Variants in RNF38 observed in about 807,000 individuals in gnomAD.
RNF38 encodes the protein ring finger protein 38.
Under a neutral mutation model 67.2 loss-of-function variants are expected in RNF38, and 15 were observed. That is an observed-to-expected ratio of 0.22 (90% confidence interval 0.15 to 0.34). The LOEUF (loss-of-function observed/expected upper bound fraction) is 0.34, where lower values mean the gene tolerates loss of function less well. Among genes scored for constraint, RNF38 ranks in the 10% least tolerant of loss-of-function variants. The pLI, the probability that RNF38 is intolerant of heterozygous loss-of-function variation, is 1.00. For missense variants in RNF38, 524 were observed against 639.9 expected, an observed-to-expected ratio of 0.82 and a Z score of 1.95; for synonymous variants, 220 against 218.8, an observed-to-expected ratio of 1.01 and a Z score of -0.05.
intron 1 of RNF38, among the ~76,000 whole-genome samples, chr9:36,474,931 C>T (rs1356483695): frequency 6.8e-6 from 1 of 147,166 alleles, no homozygotes; most frequent in Non-Finnish European, 1.5e-5. Context: ...CACCTGAGGT[C>T]GGGAGTTCAA....
At chr9:36,414,028 G>C (rs1210840022) in intron 2 of RNF38, among the ~76,000 whole-genome samples, 2 of 152,056 alleles carry the variant, frequency 1.3e-5, no homozygotes, top group African/African-American at 2.4e-5. Flanking sequence ...AGTCTGTTTC[G>C]TCTGATATAA....
At chr9:36,423,299 T>C (rs1056171530) in intron 2 of RNF38, among the ~76,000 whole-genome samples, 2 of 151,764 alleles carry the variant, frequency 1.3e-5, no homozygotes, top group African/African-American at 4.8e-5. Context: ...GTAAAGAGAG[T>C]GAAATCAGTC....
At position 36,344,948 on chromosome 9, in the gene RNF38, C is replaced by A; in HGVS notation, c.1269G>T (p.Leu423=). The A allele has an allele frequency of 2.5e-6, 4 of 1,606,562 alleles. No homozygotes were observed. Among genetic ancestry groups the A allele is most frequent in the Non-Finnish European group, 3.4e-6 (4 of 1,176,152 alleles). ...EDGEVENYEA[L]LNLAERLGEA... ...CTCCCAGTCGCTCTGCCAGGTTTAA[C>A]AGGGCCTGCAGCGGTAAAAGACGAC... Residue 423 remains leucine (L), a synonymous_variant, in exon 10 of 12, where the codon CTG becomes CTT. Coordinates refer to ENST00000259605, the MANE Select transcript of RNF38 (RefSeq NM_022781.5).
At chr9:36,386,355 A>G (rs1484371957) in intron 2 of RNF38, among the ~76,000 whole-genome samples, 1 of 152,212 alleles carries the variant, frequency 6.6e-6, no homozygotes, top group Non-Finnish European at 1.5e-5. Context: ...AATTCTGCTG[A>G]TATTTTGGCT....
chr9:36,366,644 T>C (rs1397520967), intron 4 of RNF38, among the ~76,000 whole-genome samples: 1 of 152,242 alleles, frequency 6.6e-6, no homozygotes, highest in South Asian at 2.1e-4. Context: ...TTTTTTCTTC[T>C]TGTCTTTTCT....
chr9:36,481,431 C>A (rs921990914), intron 1 of RNF38, among the ~76,000 whole-genome samples: 2 of 152,190 alleles, frequency 1.3e-5, no homozygotes, highest in African/African-American at 4.8e-5. Flanking sequence ...AAGAACAGCG[C>A]TAATATCCAT....
At chr9:36,386,410 T>C (rs1836640070) in intron 2 of RNF38, among the ~76,000 whole-genome samples, 1 of 152,248 alleles carries the variant, frequency 6.6e-6, no homozygotes, top group Admixed American at 6.5e-5. Flanking sequence ...ATAGATATTT[T>C]CACAATAATT....
At chr9:36,465,198 C>T (rs184556946) in intron 1 of RNF38, among the ~76,000 whole-genome samples, 1 of 152,210 alleles carries the variant, frequency 6.6e-6, no homozygotes. Context: ...AAAAACAGCA[C>T]GGCAGTTCCT....
At chr9:36,485,438 C>G (rs1453591219) in intron 1 of RNF38, among the ~76,000 whole-genome samples, 4 of 152,160 alleles carry the variant, frequency 2.6e-5, no homozygotes, top group Admixed American at 2.6e-4. Context: ...ACACTATATA[C>G]AAGCTTATCT....
upstream of RNF38, chr9:36,400,296 T>C (rs945297653): frequency 5.2e-5 from 67 of 1,292,344 alleles, no homozygotes; most frequent in Non-Finnish European, 6.5e-5. Flanking sequence ...TCGACCGGGT[T>C]CCGCGTTCTC....
At chr9:36,467,468 A>T (rs1839890853) in intron 1 of RNF38, among the ~76,000 whole-genome samples, 1 of 152,046 alleles carries the variant, frequency 6.6e-6, no homozygotes, top group African/African-American at 2.4e-5. Context: ...GCTCTGAGCT[A>T]TGGGGCCTGA....
chr9:36,406,740 G>A (rs562502073), intron 2 of RNF38, among the ~76,000 whole-genome samples: 16 of 152,320 alleles, frequency 1.1e-4, no homozygotes, highest in African/African-American at 3.4e-4. Context: ...AACAGAAAGC[G>A]GGCAGTGAAA....
intron 1 of RNF38, among the ~76,000 whole-genome samples, chr9:36,484,557 T>C (rs1366246537): frequency 6.6e-6 from 1 of 152,206 alleles, no homozygotes; most frequent in African/African-American, 2.4e-5. Context: ...TTCAGATTTT[T>C]TTTAAGTAAT....
intron 9 of RNF38, among the ~76,000 whole-genome samples, chr9:36,347,583 G>A (rs1587469124): frequency 6.6e-6 from 1 of 152,132 alleles, no homozygotes; most frequent in Non-Finnish European, 1.5e-5. Context: ...ACTTGTATAA[G>A]ACAGAAAACT....
At chr9:36,400,593 G>A, upstream of RNF38, 5 of 986,588 alleles carry the variant, frequency 5.1e-6, no homozygotes, top group Non-Finnish European at 6.0e-6. Flanking sequence ...AGCTCCCGCG[G>A]ATCCTCGCTG....
At chr9:36,483,974 G>A (rs1258202121) in intron 1 of RNF38, among the ~76,000 whole-genome samples, 1 of 152,140 alleles carries the variant, frequency 6.6e-6, no homozygotes, top group Non-Finnish European at 1.5e-5. Context: ...ATTCTTTTAT[G>A]CTCCACAAAA....
At chr9:36,345,259 GATCT>G (rs879931293) in intron 9 of RNF38, among the ~76,000 whole-genome samples, 1 of 152,120 alleles carries the variant, frequency 6.6e-6, no homozygotes, top group Non-Finnish European at 1.5e-5. Flanking sequence ...AATGAACCTT[GATCT>G]ATCCATTACG....
At position 36,448,363 on chromosome 9, in the gene RNF38, T is replaced by C. The variant is rs1437583167; in HGVS notation, n.242-23680A>G. On this transcript the variant is annotated intron_variant and non_coding_transcript_variant, in intron 1 of 3. Coordinates refer to the RNF38 transcript ENST00000488058. ...ATCTTCTGGTTACCAGAGATTGATA[T>C]TGAAAAACGAACCTCACAATTATCA... Among the ~76,000 whole-genome samples, 4 of 152,230 alleles carry C rather than the reference T, an allele frequency of 2.6e-5. 1 individual carries two copies. Among genetic ancestry groups the C allele is most frequent in the Admixed American group, 6.5e-5 (1 of 15,286 alleles).
chr9:36,367,035 T>C (rs1835021683), intron 4 of RNF38, among the ~76,000 whole-genome samples: 2 of 152,208 alleles, frequency 1.3e-5, no homozygotes, highest in Admixed American at 6.5e-5. Context: ...TGACCAGATA[T>C]CCCTGTATTC....
Sources: gnomAD v4.1 joint callset for allele counts (sites outside exome capture counted in the v4.1 genomes callset) on GRCh38, gnomAD v4.1.1 for gene constraint, MANE v1.5 for transcripts, NCBI Gene and HGNC (gene_info 2026-07-23, HGNC 2026-07-21) for gene names.